ZFP2: variants seen among roughly 807,000 people sequenced by gnomAD.
The protein encoded by ZFP2 is zinc finger protein ZFP2.
A neutral mutation model predicts 36.1 loss-of-function variants in ZFP2; 33 were observed. The observed-to-expected ratio is 0.92, with a 90% CI of 0.69 to 1.22. The LOEUF (loss-of-function observed/expected upper bound fraction) is 1.22, where lower values mean the gene tolerates loss of function less well. Ranked by LOEUF, ZFP2 falls within the 50% of genes most tolerant of loss-of-function variation. The probability of loss-of-function intolerance (pLI) is 0.00; values close to 1 mark genes in which losing one functional copy is unlikely to be tolerated. For synonymous variants in ZFP2, 170 were observed against 178.0 expected (o/e 0.96, Z 0.36); for missense variants, 522 against 551.4 (o/e 0.95, Z 0.53).
Position 178,932,161 on chromosome 5 carries a change from C to G in ZFP2, c.848C>G (p.Ser283Ter). ...SQCGKAFSKSSTLTLHQRNHT... is the reference protein window; with the variant it reads ...SQCGKAFSKS ...TGTGGAAAAGCCTTTAGTAAGAGCT[C>G]AACTCTTACCCTACATCAGCGAAAT... The change falls in exon 5 of 5, where the codon TCA (serine) becomes TGA (stop). Residue 283 changes from serine to a stop codon, truncating the protein, a stop_gained. Transcript: ENST00000361362. LOFTEE classifies it high-confidence loss of function. 6.2e-7 allele frequency: 1 copy of G among 1,613,376 alleles called. No individual in the cohort carries two copies. The highest frequency in any genetic ancestry group is 1.1e-5 in the South Asian group (1 of 90,984).
At chr5:178,919,942 C>T (rs1386130257) in intron 4 of ZFP2, among the ~76,000 whole-genome samples, 10 of 150,426 alleles carry the variant, frequency 6.6e-5, no homozygotes, top group Non-Finnish European at 1.3e-4. Context: ...TCAGCCTGGG[C>T]GACAGAGTGG....
rs536699684 is a variant in ZFP2, at chr5:178,900,835, C to T, written c.-450+4861C>T. Among the ~76,000 whole-genome samples, 1,027 of 150,824 alleles carry T rather than the reference C, an allele frequency of 6.8e-3. 9 individuals are homozygous for T. Among genetic ancestry groups the T allele is most frequent in the Non-Finnish European group, 0.011 (745 of 67,542 alleles). ...CCCCAGCCAGACAGTGTCCTCGTGC[C>T]ACTTCTACTCCACGTCCCCCACCCC... is the stretch of plus-strand genomic sequence containing the variant. On this transcript the variant is annotated intron_variant, in intron 1 of 4. Transcript: ENST00000361362.
At chr5:178,921,016 C>A (rs1455197343) in intron 4 of ZFP2, among the ~76,000 whole-genome samples, 1 of 152,190 alleles carries the variant, frequency 6.6e-6, no homozygotes, top group African/African-American at 2.4e-5. Context: ...CAAAGTCCAA[C>A]CAGCTTTCTG....
chr5:178,928,695 T>C (rs1758749369), intron 4 of ZFP2, among the ~76,000 whole-genome samples: 1 of 152,232 alleles, frequency 6.6e-6, no homozygotes, highest in African/African-American at 2.4e-5. Context: ...TCTCTGGCTT[T>C]TCCACATGCA....
chr5:178,906,443 CTG>C (rs974652071), intron 1 of ZFP2, among the ~76,000 whole-genome samples: 1 of 152,178 alleles, frequency 6.6e-6, no homozygotes, highest in African/African-American at 2.4e-5. Flanking sequence ...CTGCTATATC[CTG>C]TGTCTGCCCT....
In ZFP2 at chr5:178,932,882, A is replaced by G. The variant is rs1351432303; in HGVS notation, c.*183A>G. The G allele has an allele frequency of 1.0e-5, 8 of 770,952 alleles. No homozygotes were observed. Among genetic ancestry groups the G allele is most frequent in the Non-Finnish European group, 1.4e-5 (7 of 509,550 alleles). The allele number at this position is 770,952 out of a possible 1,614,324, so 47.8% of individuals were successfully genotyped here. On this transcript the variant is annotated 3_prime_UTR_variant, in exon 5 of 5. Transcript: ENST00000361362. ...AAAAGTAGAGAAATCTTGATTCAGA[A>G]TGTATAATTTCCTTTATATCAGAAG...
At chr5:178,920,370 G>A (rs1758534123) in intron 4 of ZFP2, among the ~76,000 whole-genome samples, 1 of 152,112 alleles carries the variant, frequency 6.6e-6, no homozygotes, top group African/African-American at 2.4e-5. Context: ...TAGGTGTGGT[G>A]GCTCACACCT....
At chr5:178,913,719 T>C (rs1385756414) in intron 3 of ZFP2, among the ~76,000 whole-genome samples, 1 of 152,142 alleles carries the variant, frequency 6.6e-6, no homozygotes, top group African/African-American at 2.4e-5. Flanking sequence ...ATCTTTGTTA[T>C]CTGGTTTCTA....
At chr5:178,906,179 G>T (rs1019994495) in intron 1 of ZFP2, among the ~76,000 whole-genome samples, 24 of 152,204 alleles carry the variant, frequency 1.6e-4, no homozygotes, top group Admixed American at 4.6e-4. Context: ...ACAGAGCCAG[G>T]ACTTAAGGTG....
Position 178,931,860 on chromosome 5 carries a change from G to A in ZFP2, c.547G>A (p.Glu183Lys). ...TGTCCATCAACGAACTCACACCGGA[G>A]AGAAACCCTATCAGTGTAAAGAGTG... is the stretch of plus-strand genomic sequence containing the variant. ...LTVHQRTHTGEKPYQCKECGK... is the reference protein window; with the variant it reads ...LTVHQRTHTGKKPYQCKECGK... The change falls in exon 5 of 5, where the codon GAG becomes AAG. Residue 183 changes from glutamate to lysine, a missense_variant. By Grantham distance (56) the Glu-to-Lys change is moderately conservative. Coordinates refer to ENST00000361362, the MANE Select transcript of ZFP2 (RefSeq NM_030613.4). The A allele has an allele frequency of 6.2e-7, 1 of 1,612,866 alleles. No individual in the cohort carries two copies. The highest frequency in any genetic ancestry group is 8.5e-7 in the Non-Finnish European group (1 of 1,179,048).
intron 1 of ZFP2, among the ~76,000 whole-genome samples, chr5:178,908,572 C>T (rs1298901424): frequency 6.7e-6 from 1 of 149,480 alleles, no homozygotes; most frequent in Non-Finnish European, 1.5e-5. Flanking sequence ...AATGTGAATT[C>T]ACCCTAACCA....
chr5:178,916,286 A>G (rs1758429764), intron 3 of ZFP2, among the ~76,000 whole-genome samples: 1 of 152,214 alleles, frequency 6.6e-6, no homozygotes, highest in African/African-American at 2.4e-5. Context: ...GCTGAGAGAA[A>G]TACGCTGTGG....
intron 4 of ZFP2, among the ~76,000 whole-genome samples, chr5:178,919,155 G>A (rs1442380264): frequency 6.6e-5 from 9 of 136,680 alleles, no homozygotes; most frequent in African/African-American, 1.9e-4. Context: ...TTGGTGCAAT[G>A]CTAATATTTT....
Position 178,932,693 on chromosome 5 carries a change from T to C in ZFP2, c.1380T>C (p.His460=). The C allele has an allele frequency of 6.3e-7, 1 of 1,589,318 alleles. No individual in the cohort carries two copies. The highest frequency in any genetic ancestry group is 8.6e-7 in the Non-Finnish European group (1 of 1,168,362). ...ACCTTACACGACATCAAAGAACTCA[T>C]ACGTGAGGAATGTTTTCACTGGCCC... ...STNLTRHQRT[H]T is the part of the protein sequence containing the mutation. The change falls in exon 5 of 5, where the codon CAT becomes CAC. Residue 460 remains histidine (H), a synonymous_variant. Coordinates refer to ENST00000361362, the MANE Select transcript of ZFP2 (RefSeq NM_030613.4).
chr5:178,927,646 A>T (rs375857103), intron 4 of ZFP2, among the ~76,000 whole-genome samples: 1 of 149,000 alleles, frequency 6.7e-6, no homozygotes, highest in African/African-American at 2.5e-5. Context: ...ACAGGTGCAC[A>T]CCATCATACC....
At chr5:178,910,558 G>A (rs1211233928) in intron 1 of ZFP2, 2 of 505,722 alleles carry the variant, frequency 4.0e-6, no homozygotes, top group East Asian at 8.6e-5. Flanking sequence ...CATTCTTGCT[G>A]CCCAGGGTCA....
At chr5:178,915,278 C>T (rs1398644136) in intron 3 of ZFP2, among the ~76,000 whole-genome samples, 2 of 150,974 alleles carry the variant, frequency 1.3e-5, no homozygotes, top group Non-Finnish European at 2.9e-5. Context: ...TTCTTTACCC[C>T]ATTCGTGCTT....
chr5:178,916,060 G>A (rs1321182390), intron 3 of ZFP2, among the ~76,000 whole-genome samples: 2 of 152,182 alleles, frequency 1.3e-5, no homozygotes, highest in Non-Finnish European at 2.9e-5. Flanking sequence ...AACAGCAAAG[G>A]TGGGACCCTC....
Position 178,916,733 on chromosome 5 carries a change from C to G in ZFP2, c.-78+23C>G. On this transcript the variant is annotated intron_variant, in intron 4 of 4. Transcript: ENST00000361362. ...TAGGTAAGTACTGGTACTCCTCTTACGGTGGAAGACATTGGCTCTGAAAGG... is the reference window on the plus strand; with the variant it reads ...TAGGTAAGTACTGGTACTCCTCTTAGGGTGGAAGACATTGGCTCTGAAAGG... 3.0e-6 allele frequency: 3 copies of G among 985,204 alleles called. No individual in the cohort carries two copies. In the South Asian group the frequency reaches 1.4e-4, roughly 46 times the overall value. 61.0% of individuals were successfully genotyped at this position (985,204 alleles called of 1,614,324 possible).
Sources: gnomAD v4.1 joint callset for allele counts (sites outside exome capture counted in the v4.1 genomes callset) on GRCh38, gnomAD v4.1.1 for gene constraint, MANE v1.5 for transcripts, NCBI Gene and HGNC (gene_info 2026-07-23, HGNC 2026-07-21) for gene names.